ETS2: variants seen among roughly 807,000 people sequenced by gnomAD.
The protein encoded by ETS2 is protein C-ets-2.
ETS2 carries 19 observed loss-of-function variants against 54.9 expected under a neutral mutation model. That is an observed-to-expected ratio of 0.35 (90% CI 0.24 to 0.51). The LOEUF (loss-of-function observed/expected upper bound fraction) is 0.51. Ranked by LOEUF, ETS2 falls within the 20% of genes least tolerant of loss-of-function variation. The probability of loss-of-function intolerance (pLI) is 0.97; values close to 1 mark genes in which losing one functional copy is unlikely to be tolerated. For synonymous variants in ETS2, 219 were observed against 229.3 expected, an observed-to-expected ratio of 0.95 and a Z score of 0.41; for missense variants, 417 against 593.0, an observed-to-expected ratio of 0.70 and a Z score of 3.08.
chr21:38,818,085 C>T lies in ETS2; in HGVS notation c.590-340C>T, dbSNP rs554596694. ...CTTATGAATCACACAGTACATGACACGTCACTTGGTCTGTCTGAGCCTTAC... is the reference window on the plus strand; with the variant it reads ...CTTATGAATCACACAGTACATGACATGTCACTTGGTCTGTCTGAGCCTTAC... On this transcript the variant is annotated intron_variant, in intron 6 of 9. Transcript: ENST00000360938. Among the ~76,000 whole-genome samples, 5 of 152,316 alleles carry T rather than the reference C, an allele frequency of 3.3e-5. No homozygotes were observed. In the East Asian group the frequency reaches 5.8e-4, roughly 18 times the overall value.
chr21:38,805,574 CG>C, upstream of ETS2: 1 of 1,277,960 alleles, frequency 7.8e-7, no homozygotes, highest in Non-Finnish European at 1.0e-6. This position sits in a 1 kb window ranked among gnomAD's most constrained non-coding sequence, Gnocchi z 5.2. Flanking sequence ...CAGGGCCAGC[CG>C]GCGAGGGACC....
Position 38,814,163 on chromosome 21 carries a change from G to C in ETS2, c.185-110G>C. On this transcript the variant is annotated intron_variant, in intron 3 of 9. Coordinates refer to ENST00000360938, the MANE Select transcript of ETS2 (RefSeq NM_005239.6). This position sits in a 1 kb window ranked among gnomAD's most constrained non-coding sequence, Gnocchi z 4.2. ...ACACTGTTTTAAGGAATCATGCCAA[G>C]GTTTGAGATCAAAATTGTTCTTTTC... The C allele has an allele frequency of 2.7e-6, 3 of 1,119,070 alleles. No homozygotes were observed. The highest frequency in any genetic ancestry group is 3.9e-6 in the Non-Finnish European group (3 of 765,976). The allele number at this position is 1,119,070 out of a possible 1,614,324, so 69.3% of individuals were successfully genotyped here.
At position 38,806,079 on chromosome 21, in the gene ETS2, C is replaced by A; in HGVS notation, c.-42C>A. 3.6e-6 allele frequency: 4 copies of A among 1,120,072 alleles called. No homozygotes were observed. The highest frequency in any genetic ancestry group is 4.4e-6 in the Non-Finnish European group (4 of 910,490). 69.4% of individuals were successfully genotyped at this position (1,120,072 alleles called of 1,614,324 possible). On this transcript the variant is annotated 5_prime_UTR_variant, in exon 1 of 10. Coordinates refer to ENST00000360938, the MANE Select transcript of ETS2 (RefSeq NM_005239.6). This position sits in a 1 kb window ranked among gnomAD's most constrained non-coding sequence, Gnocchi z 4.3. The stretch of plus-strand genomic sequence containing the variant: ...CCGAGCAGCCGCGGGCGCCGAGCAG[C>A]CACCGTCCCGACCAAGCGCCGGCCC...
At position 38,818,445 on chromosome 21, in the gene ETS2, C is replaced by T; in HGVS notation, c.610C>T (p.Pro204Ser). The change falls in exon 7 of 10, where the codon CCC becomes TCC. Residue 204 changes from proline to serine, a missense_variant. Pro to Ser is a moderately conservative substitution (Grantham distance 74). Around this residue, in one of 3 missense-constraint regions of ETS2, gnomAD observed 326 missense variants for 426.1 expected, o/e 0.76. Coordinates refer to ENST00000360938, the MANE Select transcript of ETS2 (RefSeq NM_005239.6). Reference sequence around the variant, plus strand: ...TCCAGGTTTTGGCACAGAGCAGGCGCCCTATGGAATGCAGACACAGAATTA... The same window carrying T: ...TCCAGGTTTTGGCACAGAGCAGGCGTCCTATGGAATGCAGACACAGAATTA... ...NTLGFGTEQA[P>S]YGMQTQNYPK... The T allele has an allele frequency of 1.2e-6, 2 of 1,614,126 alleles. No individual in the cohort carries two copies. The highest frequency in any genetic ancestry group is 2.2e-5 in the South Asian group (2 of 91,082).
At position 38,824,841 on chromosome 21, in the gene ETS2, T is replaced by C. The variant is rs774268681; in HGVS notation, c.*1952T>C. On this transcript the variant is annotated 3_prime_UTR_variant, in exon 10 of 10. Transcript: ENST00000360938. ...GTTTCATGGGGTTCAGCCTAACAGT[T>C]ATGGAAACTACAGTCCTTATAAACC... 2.0e-5 allele frequency: 3 copies of C among 152,656 alleles called. No homozygotes were observed. The highest frequency in any genetic ancestry group is 4.4e-5 in the Non-Finnish European group (3 of 68,038). The allele number at this position is 152,656 out of a possible 1,614,324, so 9.5% of individuals were successfully genotyped here.
At chr21:38,809,632 G>A (rs1169496185) in intron 1 of ETS2, 3 of 175,670 alleles carry the variant, frequency 1.7e-5, no homozygotes, top group African/African-American at 4.8e-5. Flanking sequence ...GCAGACAGGA[G>A]GCGGCCCACT....
chr21:38,811,138 T>C (rs948226463), intron 2 of ETS2, among the ~76,000 whole-genome samples: 2 of 151,992 alleles, frequency 1.3e-5, no homozygotes. Flanking sequence ...AATTGATGTG[T>C]TGAAATAGGA....
At chr21:38,819,421 A>C (rs1292197820) in intron 7 of ETS2, 82 bp from the exon 8 acceptor site, 1 of 1,263,550 alleles carries the variant, frequency 7.9e-7, no homozygotes, top group Non-Finnish European at 1.1e-6. Context: ...TTGCACTGGT[A>C]GTGGTTGGTG....
At chr21:38,812,551 C>T (rs531122777) in intron 2 of ETS2, among the ~76,000 whole-genome samples, 43 of 152,292 alleles carry the variant, frequency 2.8e-4, no homozygotes, top group African/African-American at 9.9e-4. Context: ...GAGGCCAAGG[C>T]GGGTGGATTA....
At position 38,814,277 on chromosome 21, in the gene ETS2, C is replaced by A; in HGVS notation, c.189C>A (p.Ser63=). The change falls in exon 4 of 10, where the codon TCC becomes TCA. Residue 63 remains serine, a synonymous_variant. Coordinates refer to ENST00000360938, the MANE Select transcript of ETS2 (RefSeq NM_005239.6). The surrounding 1 kb of genome is among the most constrained non-coding windows in gnomAD (Gnocchi z 4.2). ...CCATGGGGGGTTTCCTTCCAGACTC[C>A]GCCAACTGTGAATTGCCTTTGTTAA... ...PTGLDSISHD[S]ANCELPLLTP... 6.2e-7 allele frequency: 1 copy of A among 1,614,008 alleles called. No homozygotes were observed. The highest frequency in any genetic ancestry group is 8.5e-7 in the Non-Finnish European group (1 of 1,179,980).
chr21:38,805,585 C>T, upstream of ETS2: 1 of 1,273,266 alleles, frequency 7.9e-7, no homozygotes, highest in Non-Finnish European at 1.0e-6. This position sits in a 1 kb window ranked among gnomAD's most constrained non-coding sequence, Gnocchi z 5.2. Context: ...GGCGAGGGAC[C>T]CAGCCGAGTG....
In ETS2 at chr21:38,818,357, C is replaced by T. The variant is rs978094744; in HGVS notation, c.590-68C>T. The T allele has an allele frequency of 3.1e-6, 5 of 1,607,248 alleles. No individual in the cohort carries two copies. In the East Asian group the frequency reaches 1.1e-4, roughly 36 times the overall value. On this transcript the variant is annotated intron_variant, in intron 6 of 9. Coordinates refer to ENST00000360938, the MANE Select transcript of ETS2 (RefSeq NM_005239.6). ...GTGCGGAGTGCTCACCTGTCATTTG[C>T]TCGTAGGGGTTAGTTACTGGGGTAA...
chr21:38,808,580 G>GCGTGTGTGTA (rs2060902102), intron 1 of ETS2, among the ~76,000 whole-genome samples: 1 of 100,986 alleles, frequency 9.9e-6, no homozygotes, highest in Non-Finnish European at 2.1e-5. Context: ...GCCAAGAGGG[G>GCGTGTGTGTA]TGTGTGTGTA....
Position 38,806,010 on chromosome 21 carries a change from C to T in ETS2, c.-111C>T, listed in dbSNP as rs1175305656. The T allele has an allele frequency of 1.5e-5, 19 of 1,262,126 alleles. No homozygotes were observed. The highest frequency in any genetic ancestry group is 1.9e-5 in the Non-Finnish European group (19 of 978,464). 78.2% of individuals were successfully genotyped at this position (1,262,126 alleles called of 1,614,324 possible). ...AGCCGCCCGGCCAGCGTCCGGCCTC[C>T]CTGATCGTCTCTGGCCGGCGCCCTC... On this transcript the variant is annotated 5_prime_UTR_variant, in exon 1 of 10. Transcript: ENST00000360938. The surrounding 1 kb of genome is among the most constrained non-coding windows in gnomAD (Gnocchi z 4.3).
chr21:38,811,529 A>C (rs371058674), intron 2 of ETS2, among the ~76,000 whole-genome samples: 5 of 152,386 alleles, frequency 3.3e-5, no homozygotes, highest in East Asian at 1.9e-4. Context: ...ATGACTCAAC[A>C]GATGGGTCAT....
In ETS2 at chr21:38,823,008, A is replaced by ACTGCTTCTTGGCC; in HGVS notation, c.*119_*120insCTGCTTCTTGGCC. The ACTGCTTCTTGGCC allele has an allele frequency of 2.4e-6, 2 of 826,556 alleles. No individual in the cohort carries two copies. The highest frequency in any genetic ancestry group is 3.5e-6 in the Non-Finnish European group (2 of 565,916). The allele number at this position is 826,556 out of a possible 1,614,324, so 51.2% of individuals were successfully genotyped here. On this transcript the variant is annotated 3_prime_UTR_variant, in exon 10 of 10. Coordinates refer to ENST00000360938, the MANE Select transcript of ETS2 (RefSeq NM_005239.6). ...ATTGAAAATGTCCAGGAAAGTGGCC[A>ACTGCTTCTTGGCC]AGAAGCAGTGGCCTTATTGCATCCC...
rs747723622 is a variant in ETS2, at chr21:38,814,908, G to A, written c.432G>A (p.Lys144=). Residue 144 remains lysine (K), a synonymous_variant, in exon 5 of 10, where the codon AAG becomes AAA. Coordinates refer to ENST00000360938, the MANE Select transcript of ETS2 (RefSeq NM_005239.6). The surrounding 1 kb of genome is among the most constrained non-coding windows in gnomAD (Gnocchi z 4.2). ...GCCAGATGCTGTGTAACCTTGGCAA[G>A]GAACGCTTTCTGGAGCTGGCACCTG... ...MNGQMLCNLG[K]ERFLELAPDF... 6.2e-6 allele frequency: 10 copies of A among 1,614,212 alleles called. No individual in the cohort carries two copies. The South Asian group carries it at 1.1e-4, about 18-fold the overall frequency.
intron 1 of ETS2, chr21:38,809,503 T>C (rs1418714663): frequency 1.3e-5 from 2 of 152,678 alleles, no homozygotes; most frequent in African/African-American, 4.8e-5. Context: ...GGGTGTGTGC[T>C]TTCTTACAGC....
At position 38,821,058 on chromosome 21, in the gene ETS2, G is replaced by A. The variant is rs2060956091; in HGVS notation, c.1076-528G>A. On this transcript the variant is annotated intron_variant, in intron 8 of 9. Coordinates refer to ENST00000360938, the MANE Select transcript of ETS2 (RefSeq NM_005239.6). The surrounding 1 kb of genome is among the most constrained non-coding windows in gnomAD (Gnocchi z 4.2). The stretch of plus-strand genomic sequence containing the variant: ...GAGGCAACGGGTGTGACCCCGCGTG[G>A]CTATTGAGTAAACCGGGCTCACATT... Among the ~76,000 whole-genome samples, 1 of 152,174 alleles carries A rather than the reference G, an allele frequency of 6.6e-6. No homozygotes were observed. The highest frequency in any genetic ancestry group is 2.4e-5 in the African/African-American group (1 of 41,446).
Sources: allele counts gnomAD v4.1 joint callset (sites outside exome capture counted in the v4.1 genomes callset), GRCh38; gene constraint gnomAD v4.1.1; regional missense constraint gnomAD v4.1.1; non-coding constraint Gnocchi (gnomAD v3.1); transcripts MANE v1.5; gene names NCBI Gene and HGNC (gene_info 2026-07-23, HGNC 2026-07-21).